HSPA4L: variants seen among roughly 807,000 people sequenced by gnomAD.
The protein encoded by HSPA4L is heat shock 70 kDa protein 4L.
A neutral mutation model predicts 100.3 loss-of-function variants in HSPA4L; 48 were observed. The ratio of observed to expected loss-of-function variants is 0.48; its 90% confidence interval spans 0.38 to 0.61. The LOEUF (loss-of-function observed/expected upper bound fraction) is 0.61, where lower values mean the gene tolerates loss of function less well. HSPA4L is among the 20% of genes least tolerant of loss of function. The pLI, the probability that HSPA4L is intolerant of heterozygous loss-of-function variation, is 0.00. For missense variants in HSPA4L, 886 were observed against 988.6 expected, an observed-to-expected ratio of 0.90 and a Z score of 1.39; for synonymous variants, 319 against 328.2, an observed-to-expected ratio of 0.97 and a Z score of 0.30.
upstream of HSPA4L, chr4:127,782,240 A>G (rs1010866765): frequency 9.0e-5 from 36 of 399,472 alleles, 1 homozygote; most frequent in African/African-American, 7.3e-4. Flanking sequence ...TCGGGCGCGG[A>G]GCGGAGGCTC....
rs1044256402 is a variant in HSPA4L at position 127,835,932 on chromosome 4, C to CTT, written c.*3059_*3060dup. The CTT allele has an allele frequency of 6.6e-6, 1 of 152,390 alleles. No homozygotes were observed. Among genetic ancestry groups the CTT allele is most frequent in the African/African-American group, 2.4e-5 (1 of 41,434 alleles). 9.4% of individuals were successfully genotyped at this position (152,390 alleles called of 1,614,324 possible). ...GACCCTGTCTCTAAAAAAATAAAAA[C>CTT]TTAGCAAGGCATGGTGGTGCACACC... On this transcript the variant is annotated 3_prime_UTR_variant, in exon 19 of 19. Coordinates refer to ENST00000296464, the MANE Select transcript of HSPA4L (RefSeq NM_014278.4).
intron 1 of HSPA4L, among the ~76,000 whole-genome samples, chr4:127,789,795 G>A (rs1030877586): frequency 2.0e-5 from 3 of 152,026 alleles, no homozygotes; most frequent in African/African-American, 7.2e-5. Context: ...TCTTACATCA[G>A]CCTAATATGT....
At position 127,836,428 on chromosome 4, in the gene HSPA4L, G is replaced by C. The variant is rs1422149926; in HGVS notation, c.*3554G>C. The C allele has an allele frequency of 6.6e-6, 1 of 152,474 alleles. No homozygotes were observed. The highest frequency in any genetic ancestry group is 2.4e-5 in the African/African-American group (1 of 41,348). The allele number at this position is 152,474 out of a possible 1,614,324, so 9.4% of individuals were successfully genotyped here. ...AGACATTTACTAAGAAGAGCTAAAG[G>C]AAAGAATTAAAGGTTTCTTATGCTT... On this transcript the variant is annotated 3_prime_UTR_variant, in exon 19 of 19. Coordinates refer to ENST00000296464, the MANE Select transcript of HSPA4L (RefSeq NM_014278.4).
rs1245060180 is a variant in HSPA4L, at chr4:127,782,403, C to G, written c.-148C>G. Reference sequence around the variant, plus strand: ...TGCTCCTTCCGCGGGTTTCCGACTCCCTGCCCTAGATTTTCTGCTTAGCGA... The same window carrying G: ...TGCTCCTTCCGCGGGTTTCCGACTCGCTGCCCTAGATTTTCTGCTTAGCGA... On this transcript the variant is annotated 5_prime_UTR_variant, in exon 1 of 19. Transcript: ENST00000296464. The G allele has an allele frequency of 7.7e-6, 5 of 651,364 alleles. No individual in the cohort carries two copies. Among genetic ancestry groups the G allele is most frequent in the Non-Finnish European group, 1.1e-5 (4 of 360,030 alleles). The allele number at this position is 651,364 out of a possible 1,614,324, so 40.3% of individuals were successfully genotyped here.
intron 4 of HSPA4L, among the ~76,000 whole-genome samples, chr4:127,799,876 T>G (rs1158801114): frequency 6.6e-6 from 1 of 152,180 alleles, no homozygotes; most frequent in Non-Finnish European, 1.5e-5. Flanking sequence ...GCATGATAAC[T>G]TAGATTTTTG....
chr4:127,831,660 T>A (rs965775828), intron 18 of HSPA4L, among the ~76,000 whole-genome samples: 1 of 152,078 alleles, frequency 6.6e-6, no homozygotes, highest in Non-Finnish European at 1.5e-5. Context: ...TATTGGTAAG[T>A]TAAATTACAG....
At chr4:127,783,389 G>C in intron 1 of HSPA4L, 1 of 536,998 alleles carries the variant, frequency 1.9e-6, no homozygotes, top group Non-Finnish European at 2.4e-6. Flanking sequence ...GACCAAAAGC[G>C]TGTTTCTGCA....
In HSPA4L at chr4:127,805,066, T is replaced by C; in HGVS notation, c.986-7T>C. ...TATCATTTTTCTCAATTAAAAAAATTTTCCAGACTTACAACGTGAAGACAT... is the reference window on the plus strand; with the variant it reads ...TATCATTTTTCTCAATTAAAAAAATCTTCCAGACTTACAACGTGAAGACAT... On this transcript the variant is annotated splice_polypyrimidine_tract_variant and splice_region_variant and intron_variant, in intron 8 of 18. Coordinates refer to ENST00000296464, the MANE Select transcript of HSPA4L (RefSeq NM_014278.4). The C allele has an allele frequency of 6.4e-7, 1 of 1,568,600 alleles. No homozygotes were observed. The highest frequency in any genetic ancestry group is 8.6e-7 in the Non-Finnish European group (1 of 1,158,606).
chr4:127,805,962 C>A (rs1733346201), intron 10 of HSPA4L, among the ~76,000 whole-genome samples, 169 bp downstream of exon 10: 2 of 151,958 alleles, frequency 1.3e-5, no homozygotes, highest in South Asian at 4.2e-4. Context: ...CATAATTGGG[C>A]ATATTTTTAA....
intron 4 of HSPA4L, among the ~76,000 whole-genome samples, chr4:127,799,373 AT>A (rs1224681525): frequency 6.6e-6 from 1 of 152,138 alleles, no homozygotes; most frequent in Admixed American, 6.5e-5. Flanking sequence ...GTAATAGCAA[AT>A]AATAGAGTTT....
At chr4:127,803,391 T>C (rs1299731260) in intron 6 of HSPA4L, among the ~76,000 whole-genome samples, 2 of 152,154 alleles carry the variant, frequency 1.3e-5, no homozygotes, top group Admixed American at 6.5e-5. Flanking sequence ...GAATTAGAAT[T>C]CTTTTAATTA....
intron 14 of HSPA4L, 31 bp downstream of exon 14, chr4:127,820,596 G>T: frequency 6.3e-7 from 1 of 1,577,310 alleles, no homozygotes; most frequent in Non-Finnish European, 8.6e-7. Context: ...GCTGAAATAG[G>T]TGGTAGTTTA....
chr4:127,783,685 T>C (rs1280711020), intron 1 of HSPA4L: 2 of 1,535,202 alleles, frequency 1.3e-6, no homozygotes, highest in East Asian at 2.4e-5. Flanking sequence ...GGAAAGGTAA[T>C]TTGGCATCTT....
At chr4:127,782,729 G>T (rs1578682369) in intron 1 of HSPA4L, 72 bp downstream of exon 1, 2 of 1,117,134 alleles carry the variant, frequency 1.8e-6, no homozygotes, top group Non-Finnish European at 2.5e-6. Flanking sequence ...CGTTTGTCCT[G>T]TCTGCTCGCT....
chr4:127,817,217 C>T (rs966340430), intron 12 of HSPA4L, among the ~76,000 whole-genome samples: 2 of 152,104 alleles, frequency 1.3e-5, no homozygotes, highest in African/African-American at 2.4e-5. Context: ...AGGCGTGCAC[C>T]ACCATGCCTG....
At chr4:127,816,278 A>T (rs773593872) in intron 12 of HSPA4L, among the ~76,000 whole-genome samples, 9 of 152,196 alleles carry the variant, frequency 5.9e-5, no homozygotes, top group Non-Finnish European at 8.8e-5. Flanking sequence ...CACTTCCATT[A>T]ATTATCCCAC....
At position 127,796,259 on chromosome 4, in the gene HSPA4L, A is replaced by G. The variant is rs1733019070; in HGVS notation, c.306+351A>G. Among the ~76,000 whole-genome samples the G allele has an allele frequency of 4.6e-5, 7 of 152,132 alleles. No individual in the cohort carries two copies. The South Asian group carries it at 1.4e-3, about 32-fold the overall frequency. On this transcript the variant is annotated intron_variant, in intron 3 of 18. Transcript: ENST00000296464. ...TATGTTAATAGCTGTAATGAGTTTA[A>G]TGAGTTCTAATTTAGAAGAATCTTA...
chr4:127,827,485 A>G, intron 17 of HSPA4L, 61 bp downstream of exon 17: 1 of 1,584,000 alleles, frequency 6.3e-7, no homozygotes, highest in Admixed American at 1.7e-5. Flanking sequence ...AGAATGGGGC[A>G]AATCTAAAAG....
intron 1 of HSPA4L, among the ~76,000 whole-genome samples, chr4:127,790,899 T>A (rs1393232240): frequency 6.6e-6 from 1 of 152,132 alleles, no homozygotes; most frequent in African/African-American, 2.4e-5. Flanking sequence ...CCAAGGCAGG[T>A]GGATCACTTG....
Sources: gnomAD v4.1 joint callset for allele counts (sites outside exome capture counted in the v4.1 genomes callset) on GRCh38, gnomAD v4.1.1 for gene constraint, MANE v1.5 for transcripts, NCBI Gene and HGNC (gene_info 2026-07-23, HGNC 2026-07-21) for gene names.